Variants in LRRC37A2 observed in about 807,000 individuals in gnomAD.
LRRC37A2 encodes leucine rich repeat containing 37 member A2, also known as leucine-rich repeat-containing protein 37A2.
In LRRC37A2, 9 loss-of-function variants were observed where a neutral mutation model predicts 68.8. That is an observed-to-expected ratio of 0.13 (90% CI 0.08 to 0.23). LRRC37A2 has a LOEUF of 0.23. Among genes scored for constraint, LRRC37A2 ranks in the 10% least tolerant of loss-of-function variants. The pLI, the probability that LRRC37A2 is intolerant of heterozygous loss-of-function variation, is 1.00. For synonymous variants in LRRC37A2, 63 were observed against 367.6 expected, an observed-to-expected ratio of 0.17 and a Z score of 9.48; for missense variants, 168 against 950.4, an observed-to-expected ratio of 0.18 and a Z score of 10.82.
At chr17:47,035,653 T>C in the LRRC37A2 span, among the ~76,000 whole-genome samples, 4 of 152,368 alleles carry the variant, frequency 2.6e-5, no homozygotes, top group East Asian at 7.7e-4. Context: ...TGTGTGGACA[T>C]GTTTTTAATT....
chr17:47,019,031 G>C, the LRRC37A2 span: 3 of 1,451,918 alleles, frequency 2.1e-6, no homozygotes, highest in Admixed American at 5.0e-5. Context: ...TTTTGGACCT[G>C]GGACTTACCA....
chr17:46,661,378 T>TTTATTATTATTATTATTA, the LRRC37A2 span, among the ~76,000 whole-genome samples: 380 of 106,454 alleles, frequency 3.6e-3, 2 homozygotes, highest in African/African-American at 0.016. Context: ...TACATTTCTT[T>TTTATTATTATTATTATTA]TTATTATTAT....
chr17:46,771,760 CCCGCG>C, the LRRC37A2 span, among the ~76,000 whole-genome samples: 133,439 of 137,352 alleles, frequency 0.97, 64,902 homozygotes, highest in Non-Finnish European at 1. Context: ...GCCCCCCGCC[CCCGCG>C]CCGCGCCGCG....
the LRRC37A2 span, among the ~76,000 whole-genome samples, chr17:46,732,604 A>T: frequency 6.6e-6 from 1 of 152,216 alleles, no homozygotes; most frequent in African/African-American, 2.4e-5. Flanking sequence ...TGATTGATTT[A>T]TTAGCCCTTT....
At chr17:46,598,626 A>G in the LRRC37A2 span, among the ~76,000 whole-genome samples, 16 of 152,168 alleles carry the variant, frequency 1.1e-4, no homozygotes, top group Admixed American at 8.5e-4. Flanking sequence ...TGTTAGAGGT[A>G]AAATTTGTCG....
At chr17:46,834,473 G>A in the LRRC37A2 span, among the ~76,000 whole-genome samples, 1 of 152,180 alleles carries the variant, frequency 6.6e-6, no homozygotes, top group Non-Finnish European at 1.5e-5. Context: ...GCCTGCCGAG[G>A]CATGGCTGGG....
the LRRC37A2 span, chr17:46,938,847 C>T: frequency 6.2e-7 from 1 of 1,600,338 alleles, no homozygotes; most frequent in South Asian, 1.1e-5. Context: ...CAGAGGCCGC[C>T]TTTTGAAATG....
the LRRC37A2 span, among the ~76,000 whole-genome samples, chr17:46,919,965 A>C: frequency 6.6e-6 from 1 of 152,026 alleles, no homozygotes; most frequent in South Asian, 2.1e-4. Flanking sequence ...GAAAGAAAGA[A>C]AGAAAAAAAA....
At chr17:46,872,883 CACT>C in the LRRC37A2 span, 1 of 1,318,468 alleles carries the variant, frequency 7.6e-7, no homozygotes, top group Non-Finnish European at 1.0e-6. Flanking sequence ...GCCCAGGCCA[CACT>C]GCCCTTCCTG....
chr17:46,741,551 C>T, the LRRC37A2 span, among the ~76,000 whole-genome samples: 1 of 151,894 alleles, frequency 6.6e-6, no homozygotes. Flanking sequence ...TTATTTGAAA[C>T]ATCCTTCCTT....
At chr17:46,754,524 G>A in the LRRC37A2 span, among the ~76,000 whole-genome samples, 17 of 151,994 alleles carry the variant, frequency 1.1e-4, no homozygotes, top group Non-Finnish European at 2.1e-4. Context: ...TTCATCTTCA[G>A]GAACTAAAGA....
At chr17:46,954,391 C>G in the LRRC37A2 span, among the ~76,000 whole-genome samples, 1 of 152,124 alleles carries the variant, frequency 6.6e-6, no homozygotes, top group African/African-American at 2.4e-5. Flanking sequence ...TTCCATTGGT[C>G]TATATCTCTG....
the LRRC37A2 span, chr17:46,940,494 C>G: frequency 2.5e-6 from 4 of 1,613,364 alleles, no homozygotes; most frequent in Admixed American, 1.7e-5. Flanking sequence ...TAGCGCAGGA[C>G]TTTTGGTAAT....
At chr17:46,733,372 CAG>C in the LRRC37A2 span, among the ~76,000 whole-genome samples, 2 of 151,782 alleles carry the variant, frequency 1.3e-5, no homozygotes, top group Admixed American at 6.6e-5. Flanking sequence ...TTTTGGGAGA[CAG>C]AGTGTCTGAA....
chr17:46,771,470 C>T, the LRRC37A2 span, among the ~76,000 whole-genome samples: 1 of 149,878 alleles, frequency 6.7e-6, no homozygotes, highest in Non-Finnish European at 1.5e-5. Flanking sequence ...CCGGGCCGCG[C>T]TGGGTTCCCA....
the LRRC37A2 span, among the ~76,000 whole-genome samples, chr17:46,999,400 A>G: frequency 3.9e-5 from 6 of 152,290 alleles, no homozygotes; most frequent in South Asian, 4.1e-4. Flanking sequence ...TCTCATACCC[A>G]GGATGTAGTG....
chr17:46,826,130 C>T, the LRRC37A2 span, among the ~76,000 whole-genome samples: 1 of 152,270 alleles, frequency 6.6e-6, no homozygotes, highest in Non-Finnish European at 1.5e-5. Flanking sequence ...TAGAATAGAA[C>T]AAGCCTGATA....
chr17:46,723,100 C>T, the LRRC37A2 span, among the ~76,000 whole-genome samples: 1 of 152,194 alleles, frequency 6.6e-6, no homozygotes, highest in Admixed American at 6.5e-5. Context: ...AGACTACATA[C>T]CATGTAGCAA....
chr17:47,025,548 A>T, the LRRC37A2 span, among the ~76,000 whole-genome samples: 2 of 152,156 alleles, frequency 1.3e-5, no homozygotes. Flanking sequence ...TACCCTAAGA[A>T]GCACATCAGA....
Sources: gnomAD v4.1 joint callset for allele counts (sites outside exome capture counted in the v4.1 genomes callset) on GRCh38, gnomAD v4.1.1 for gene constraint, MANE v1.5 for transcripts, NCBI Gene and HGNC (gene_info 2026-07-23, HGNC 2026-07-21) for gene names.